The following PAWR variants were observed in gnomAD, a reference collection of about 807,000 sequenced individuals.
PAWR encodes pro-apoptotic WT1 regulator.
In PAWR, 23 loss-of-function variants were observed where a neutral mutation model predicts 32.0. The ratio of observed to expected loss-of-function variants is 0.72; its 90% CI spans 0.52 to 1.02. The LOEUF (loss-of-function observed/expected upper bound fraction) is 1.02, where lower values mean the gene tolerates loss of function less well. PAWR is among the 50% of genes least tolerant of loss of function. The pLI, the probability that PAWR is intolerant of heterozygous loss-of-function variation, is 0.00. For synonymous variants in PAWR, 226 were observed against 187.1 expected (o/e 1.21, Z -1.70); for missense variants, 457 against 437.7 (o/e 1.04, Z -0.39).
Position 79,627,639 on chromosome 12 carries a change from G to T in PAWR, c.517-6432C>A, listed in dbSNP as rs547307826. On this transcript the variant is annotated intron_variant, in intron 2 of 6. Transcript: ENST00000328827. ...TTTGGCTTTTGTTGCCATTGCTTTT[G>T]GTGTTTTAGACATGAAGTCCTTGCC... Among the ~76,000 whole-genome samples, 7 of 152,106 alleles carry T rather than the reference G, an allele frequency of 4.6e-5. No homozygotes were observed. In the East Asian group the frequency reaches 1.4e-3, roughly 29 times the overall value.
chr12:79,645,285 C>T (rs771539502), intron 2 of PAWR, among the ~76,000 whole-genome samples: 1 of 152,184 alleles, frequency 6.6e-6, no homozygotes, highest in Non-Finnish European at 1.5e-5. Context: ...GACCAAACTA[C>T]TAAGAAAATA....
intron 2 of PAWR, among the ~76,000 whole-genome samples, chr12:79,661,222 C>A (rs1385527021): frequency 7.1e-6 from 1 of 140,090 alleles, no homozygotes; most frequent in East Asian, 2.0e-4. Context: ...GCACTCCAGC[C>A]TGGGCGAAGA....
chr12:79,588,723 A>G lies in PAWR; in HGVS notation c.*3884T>C, dbSNP rs1039509972. Reference sequence around the variant, plus strand: ...GTATTTAATACAGCTCCCACATACTATATTCCTCTCACATAGACATAGTTA... The same window carrying G: ...GTATTTAATACAGCTCCCACATACTGTATTCCTCTCACATAGACATAGTTA... On this transcript the variant is annotated 3_prime_UTR_variant, in exon 7 of 7. Transcript: ENST00000328827. 6.6e-6 allele frequency: 1 copy of G among 151,988 alleles called. No homozygotes were observed. The highest frequency in any genetic ancestry group is 2.4e-5 in the African/African-American group (1 of 41,422). 9.4% of individuals were successfully genotyped at this position (151,988 alleles called of 1,614,324 possible).
At position 79,690,195 on chromosome 12, in the gene PAWR, G is replaced by T; in HGVS notation, c.50C>A (p.Thr17Lys). ...RTSSGLGGST[T>K]DFLEEWKAKR... The stretch of plus-strand genomic sequence containing the variant: ...CGCCTTCCACTCCTCCAGGAAGTCT[G>T]TGGTGCTGCCGCCGAGGCCGCTGCT... The change falls in exon 2 of 7, where the codon ACA becomes AAA. Residue 17 changes from threonine to lysine, a missense_variant. Transcript: ENST00000328827. 1 of 1,532,886 alleles carries T rather than the reference G, an allele frequency of 6.5e-7. No individual in the cohort carries two copies. 95.0% of individuals were successfully genotyped at this position (1,532,886 alleles called of 1,614,324 possible). A position where few individuals can be genotyped will look rare whatever the true frequency, so the allele number is the denominator to read the frequency against.
intron 2 of PAWR, among the ~76,000 whole-genome samples, chr12:79,673,164 G>C (rs181714702): frequency 1.3e-5 from 2 of 152,202 alleles, no homozygotes; most frequent in South Asian, 4.2e-4. Context: ...CCGCCTCCCA[G>C]GTTCACGCTA....
At chr12:79,636,738 C>T (rs987590165) in intron 2 of PAWR, among the ~76,000 whole-genome samples, 5 of 152,014 alleles carry the variant, frequency 3.3e-5, no homozygotes, top group Admixed American at 6.6e-5. Flanking sequence ...TATTTACAAC[C>T]GTTCGTAAAA....
At chr12:79,594,918 T>C (rs1818509895) in intron 5 of PAWR, among the ~76,000 whole-genome samples, 1 of 152,124 alleles carries the variant, frequency 6.6e-6, no homozygotes. Flanking sequence ...GGCTTTGCCA[T>C]GTTGCCCAGG....
intron 2 of PAWR, among the ~76,000 whole-genome samples, chr12:79,658,347 A>AC (rs1376845409): frequency 6.6e-6 from 1 of 152,242 alleles, no homozygotes; most frequent in Non-Finnish European, 1.5e-5. Flanking sequence ...AGTTCAACTT[A>AC]GAGGTCTATC....
chr12:79,669,779 C>T (rs905725144), intron 2 of PAWR, among the ~76,000 whole-genome samples: 2 of 151,900 alleles, frequency 1.3e-5, no homozygotes, highest in African/African-American at 4.8e-5. Context: ...GTCACCCAGG[C>T]TGGAGTACAG....
chr12:79,671,161 A>G (rs1877880707), intron 2 of PAWR, among the ~76,000 whole-genome samples: 1 of 151,110 alleles, frequency 6.6e-6, no homozygotes, highest in Non-Finnish European at 1.5e-5. Flanking sequence ...AAAACATTAC[A>G]TTCAAATACT....
At chr12:79,663,381 A>G (rs1023060777) in intron 2 of PAWR, among the ~76,000 whole-genome samples, 1 of 152,218 alleles carries the variant, frequency 6.6e-6, no homozygotes, top group African/African-American at 2.4e-5. Context: ...CTTACAGTTT[A>G]CACCTTAATC....
chr12:79,632,284 TAGAA>T, intron 2 of PAWR: 1 of 102,580 alleles, frequency 9.7e-6, no homozygotes, highest in African/African-American at 5.0e-5. Context: ...AGTCCAGAAA[TAGAA>T]ATATATACAT....
intron 2 of PAWR, among the ~76,000 whole-genome samples, chr12:79,684,199 C>G (rs1878575949): frequency 6.6e-6 from 1 of 151,808 alleles, no homozygotes; most frequent in Non-Finnish European, 1.5e-5. Context: ...AATGTCAAAC[C>G]CTAATATTTG....
chr12:79,644,403 G>A (rs1256855382), intron 2 of PAWR, among the ~76,000 whole-genome samples: 2 of 152,094 alleles, frequency 1.3e-5, no homozygotes, highest in East Asian at 1.9e-4. Flanking sequence ...CAACCATGAA[G>A]TATTCATTTA....
intron 4 of PAWR, among the ~76,000 whole-genome samples, chr12:79,599,836 G>GT (rs985548736): frequency 5.7e-4 from 86 of 152,000 alleles, no homozygotes; most frequent in Middle Eastern, 3.4e-3. Context: ...TTTGTATGCA[G>GT]TTTTTTTTAA....
At chr12:79,600,624 G>A (rs1165857511) in intron 4 of PAWR, among the ~76,000 whole-genome samples, 2 of 149,466 alleles carry the variant, frequency 1.3e-5, no homozygotes, top group Non-Finnish European at 2.9e-5. Flanking sequence ...TGGGACTACA[G>A]GCATATGCCA....
intron 2 of PAWR, among the ~76,000 whole-genome samples, chr12:79,627,610 C>CGACA (rs1875404210): frequency 6.6e-6 from 1 of 152,050 alleles, no homozygotes; most frequent in Admixed American, 6.6e-5. Context: ...TCCCATTTGT[C>CGACA]AATTTTGGCT....
chr12:79,664,338 T>TA (rs963898383), intron 2 of PAWR, among the ~76,000 whole-genome samples: 22 of 151,790 alleles, frequency 1.4e-4, no homozygotes, highest in African/African-American at 4.8e-4. Flanking sequence ...CTCCCTCAAT[T>TA]AAAAAAAATA....
At chr12:79,637,541 TAAA>T (rs112508716) in intron 2 of PAWR, among the ~76,000 whole-genome samples, 5 of 132,880 alleles carry the variant, frequency 3.8e-5, no homozygotes, top group African/African-American at 1.4e-4. Context: ...CATTGAACAT[TAAA>T]AAAAAAAAAA....
Sources: allele counts gnomAD v4.1 joint callset (sites outside exome capture counted in the v4.1 genomes callset), GRCh38; gene constraint gnomAD v4.1.1; transcripts MANE v1.5; gene names NCBI Gene and HGNC (gene_info 2026-07-23, HGNC 2026-07-21).